PPARGC1A: variants seen among roughly 807,000 people sequenced by gnomAD.
PPARGC1A encodes the protein PPARG coactivator 1 alpha, also known as peroxisome proliferator-activated receptor gamma coactivator 1-alpha.
In PPARGC1A, 25 loss-of-function variants were observed where a neutral mutation model predicts 88.7. The observed-to-expected ratio is 0.28, with a 90% CI of 0.21 to 0.39. The LOEUF is 0.39. PPARGC1A is among the 10% of genes least tolerant of loss of function. The pLI is 1.00. For missense variants in PPARGC1A, 880 were observed against 968.7 expected, an observed-to-expected ratio of 0.91 and a Z score of 1.22; for synonymous variants, 363 against 355.6, an observed-to-expected ratio of 1.02 and a Z score of -0.24.
the PPARGC1A span, among the ~76,000 whole-genome samples, chr4:24,020,522 AT>A: frequency 6.6e-6 from 1 of 152,170 alleles, no homozygotes; most frequent in African/African-American, 2.4e-5. Flanking sequence ...AATGTTCTCT[AT>A]CCCCACAAGA....
the PPARGC1A span, among the ~76,000 whole-genome samples, chr4:24,124,597 G>A: frequency 2.6e-5 from 4 of 152,160 alleles, no homozygotes; most frequent in African/African-American, 7.2e-5. Flanking sequence ...GAAAGCAGGG[G>A]AGAGGGAGCT....
the PPARGC1A span, among the ~76,000 whole-genome samples, chr4:24,244,567 G>A: frequency 7.0e-3 from 1,062 of 152,270 alleles, 8 homozygotes; most frequent in African/African-American, 0.024. Context: ...ATAACCACAT[G>A]TGTACAGTCT....
the PPARGC1A span, among the ~76,000 whole-genome samples, chr4:24,068,115 G>A: frequency 6.6e-6 from 1 of 152,168 alleles, no homozygotes; most frequent in Non-Finnish European, 1.5e-5. Flanking sequence ...TCCTGAATAA[G>A]AACTCTTTTG....
chr4:24,188,411 A>C, the PPARGC1A span, among the ~76,000 whole-genome samples: 1 of 152,106 alleles, frequency 6.6e-6, no homozygotes, highest in African/African-American at 2.4e-5. Context: ...ACTAACTCTT[A>C]AGGAACCCCT....
intron 2 of PPARGC1A, among the ~76,000 whole-genome samples, chr4:23,834,603 C>T (rs1395635454): frequency 6.6e-6 from 1 of 152,116 alleles, no homozygotes; most frequent in Non-Finnish European, 1.5e-5. Context: ...TTGTAAAAAT[C>T]CAAATTGCAC....
chr4:24,209,613 A>C, the PPARGC1A span, among the ~76,000 whole-genome samples: 1 of 152,292 alleles, frequency 6.6e-6, no homozygotes, highest in East Asian at 1.9e-4. Flanking sequence ...AGATTTTTCT[A>C]TGAGCTGTAG....
the PPARGC1A span, among the ~76,000 whole-genome samples, chr4:23,920,004 A>G: frequency 6.6e-6 from 1 of 152,214 alleles, no homozygotes; most frequent in Non-Finnish European, 1.5e-5. Flanking sequence ...GAGGCTATGA[A>G]AAAAGCAAAG....
intron 2 of PPARGC1A, among the ~76,000 whole-genome samples, chr4:23,876,573 C>T (rs562039696): frequency 1.9e-4 from 29 of 152,180 alleles, no homozygotes; most frequent in Admixed American, 1.6e-3. Context: ...GCTGATTTGG[C>T]GCAGGGAAGG....
At chr4:24,442,295 A>G in the PPARGC1A span, among the ~76,000 whole-genome samples, 1 of 152,248 alleles carries the variant, frequency 6.6e-6, no homozygotes, top group African/African-American at 2.4e-5. Context: ...AAATGTCAGT[A>G]GATGACAACA....
At chr4:23,970,237 C>T in the PPARGC1A span, among the ~76,000 whole-genome samples, 5 of 152,294 alleles carry the variant, frequency 3.3e-5, no homozygotes, top group African/African-American at 1.2e-4. Context: ...ATAGTAGCAA[C>T]CCTTTGGTAA....
At chr4:23,972,626 C>G in the PPARGC1A span, among the ~76,000 whole-genome samples, 3 of 152,176 alleles carry the variant, frequency 2.0e-5, no homozygotes, top group African/African-American at 7.2e-5. Context: ...AAAAATCAAA[C>G]TACTTTTGTG....
the PPARGC1A span, among the ~76,000 whole-genome samples, chr4:24,272,172 C>T: frequency 6.6e-6 from 1 of 152,162 alleles, no homozygotes; most frequent in East Asian, 1.9e-4. Context: ...ATATTTTCAC[C>T]TCTGTCTGTC....
chr4:24,127,954 T>G, the PPARGC1A span, among the ~76,000 whole-genome samples: 1 of 152,220 alleles, frequency 6.6e-6, no homozygotes, highest in Non-Finnish European at 1.5e-5. Flanking sequence ...ATTTTTTCTA[T>G]GCCTGTAATA....
At chr4:24,052,744 C>A in the PPARGC1A span, among the ~76,000 whole-genome samples, 1 of 151,148 alleles carries the variant, frequency 6.6e-6, no homozygotes, top group Non-Finnish European at 1.5e-5. Context: ...TCCTTCTTTT[C>A]TCCCTGTCTT....
At chr4:23,872,942 G>A (rs1213292560) in intron 2 of PPARGC1A, among the ~76,000 whole-genome samples, 2 of 151,972 alleles carry the variant, frequency 1.3e-5, no homozygotes, top group African/African-American at 2.4e-5. Flanking sequence ...CTGTAATCCC[G>A]CACTTCGGGA....
At chr4:23,891,772 T>C (rs1486039294), upstream of PPARGC1A, among the ~76,000 whole-genome samples, 1 of 152,210 alleles carries the variant, frequency 6.6e-6, no homozygotes, top group Non-Finnish European at 1.5e-5. Context: ...ACTGTAGTTT[T>C]AATTTTCTAA....
At chr4:24,321,131 AAT>A in the PPARGC1A span, among the ~76,000 whole-genome samples, 4 of 152,170 alleles carry the variant, frequency 2.6e-5, no homozygotes, top group Non-Finnish European at 5.9e-5. Context: ...AAGCTTCCAA[AAT>A]AGAGGTGCCC....
chr4:23,918,215 A>G, the PPARGC1A span, among the ~76,000 whole-genome samples: 2 of 146,022 alleles, frequency 1.4e-5, no homozygotes, highest in Middle Eastern at 3.5e-3. Context: ...AATAATTTAA[A>G]TTCTTTTTTT....
chr4:23,815,710 C>A (rs980552122), intron 7 of PPARGC1A, among the ~76,000 whole-genome samples: 1 of 152,154 alleles, frequency 6.6e-6, no homozygotes, highest in Non-Finnish European at 1.5e-5. Context: ...GTCCAAGGAA[C>A]TTTGAAGAAG....
Sources: gnomAD v4.1 joint callset for allele counts (sites outside exome capture counted in the v4.1 genomes callset) on GRCh38, gnomAD v4.1.1 for gene constraint, MANE v1.5 for transcripts, NCBI Gene and HGNC (gene_info 2026-07-23, HGNC 2026-07-21) for gene names.